MARCHF7: variants seen among roughly 807,000 people sequenced by gnomAD.
MARCHF7 encodes membrane associated ring-CH-type finger 7, also known as E3 ubiquitin-protein ligase MARCHF7.
A neutral mutation model predicts 76.5 loss-of-function variants in MARCHF7; 20 were observed. The ratio of observed to expected loss-of-function variants is 0.26; its 90% CI spans 0.18 to 0.38. The LOEUF is 0.38. MARCHF7 is among the 10% of genes least tolerant of loss of function. The pLI is 1.00. For synonymous variants in MARCHF7, 295 were observed against 293.0 expected (o/e 1.01, Z -0.07); for missense variants, 797 against 812.9 (o/e 0.98, Z 0.24).
intron 1 of MARCHF7, among the ~76,000 whole-genome samples, chr2:159,713,356 CACTTAAT>C (rs1438247907): frequency 5.9e-5 from 9 of 152,274 alleles, no homozygotes; most frequent in African/African-American, 2.2e-4. Flanking sequence ...CAAAATGCTG[CACTTAAT>C]ACTTTTTCTC....
chr2:159,762,764 A>G (rs1707267084), intron 9 of MARCHF7, 116 bp from the exon 10 acceptor site: 1 of 453,406 alleles, frequency 2.2e-6, no homozygotes, highest in East Asian at 3.4e-5. Flanking sequence ...CTTATTAGGA[A>G]CTGGATATGA....
intron 4 of MARCHF7, among the ~76,000 whole-genome samples, chr2:159,729,500 G>A (rs1474247094): frequency 6.6e-6 from 1 of 151,752 alleles, no homozygotes; most frequent in Non-Finnish European, 1.5e-5. Flanking sequence ...ACGAAACCCC[G>A]TCTCGACTAA....
At chr2:159,758,205 A>C (rs140740711) in intron 8 of MARCHF7, among the ~76,000 whole-genome samples, 3 of 152,354 alleles carry the variant, frequency 2.0e-5, no homozygotes, top group African/African-American at 7.2e-5. Flanking sequence ...AAACAAAGGA[A>C]AAGGCAGAAA....
intron 4 of MARCHF7, chr2:159,734,012 T>C: frequency 7.4e-7 from 1 of 1,349,282 alleles, no homozygotes; most frequent in Non-Finnish European, 9.7e-7. Context: ...TTACTTCTGC[T>C]ATCCCATCTT....
chr2:159,751,509 G>GA (rs1210503884), intron 7 of MARCHF7, among the ~76,000 whole-genome samples: 1 of 152,170 alleles, frequency 6.6e-6, no homozygotes, highest in Non-Finnish European at 1.5e-5. Flanking sequence ...GGTTATGTCT[G>GA]ATTAACCCAG....
intron 4 of MARCHF7, among the ~76,000 whole-genome samples, chr2:159,741,275 G>A (rs967980878): frequency 2.6e-5 from 4 of 152,106 alleles, no homozygotes; most frequent in African/African-American, 4.8e-5. Flanking sequence ...AGACTGAGGT[G>A]GGAGGATCAA....
intron 3 of MARCHF7, among the ~76,000 whole-genome samples, chr2:159,726,974 A>G (rs183680956): frequency 1.6e-4 from 25 of 152,348 alleles, no homozygotes; most frequent in Admixed American, 3.9e-4. Flanking sequence ...AGGTTATACT[A>G]TATAATCCAG....
intron 4 of MARCHF7, among the ~76,000 whole-genome samples, chr2:159,741,717 G>T (rs1275664766): frequency 1.3e-5 from 2 of 152,096 alleles, no homozygotes; most frequent in East Asian, 1.9e-4. Flanking sequence ...ACACTTAAAA[G>T]AATTTGGTTT....
chr2:159,730,955 T>A (rs1702717131), intron 4 of MARCHF7, among the ~76,000 whole-genome samples: 1 of 152,152 alleles, frequency 6.6e-6, no homozygotes, highest in Non-Finnish European at 1.5e-5. Flanking sequence ...AGTGGTGCAA[T>A]CACGGCTCAC....
intron 7 of MARCHF7, among the ~76,000 whole-genome samples, chr2:159,750,341 ATG>A (rs1705478499): frequency 6.6e-6 from 1 of 152,196 alleles, no homozygotes; most frequent in Non-Finnish European, 1.5e-5. Context: ...CCTGGCTAAC[ATG>A]CTGAAACCCT....
At chr2:159,766,459 G>A (rs1172394598) in intron 11 of MARCHF7, among the ~76,000 whole-genome samples, 1 of 152,100 alleles carries the variant, frequency 6.6e-6, no homozygotes, top group African/African-American at 2.4e-5. Context: ...GCATTAAACC[G>A]TTTTGCCCTA....
intron 7 of MARCHF7, among the ~76,000 whole-genome samples, chr2:159,752,126 A>C (rs1705726211): frequency 6.6e-6 from 1 of 152,224 alleles, no homozygotes. Context: ...AAAATTACTT[A>C]AATCATTTGA....
At chr2:159,753,798 G>A (rs1430422912) in intron 8 of MARCHF7, among the ~76,000 whole-genome samples, 1 of 152,164 alleles carries the variant, frequency 6.6e-6, no homozygotes, top group Non-Finnish European at 1.5e-5. Flanking sequence ...ACATGTAGCA[G>A]TGTGATCGTG....
intron 5 of MARCHF7, 98 bp downstream of exon 5, chr2:159,743,351 G>T: frequency 9.0e-7 from 1 of 1,106,526 alleles, no homozygotes; most frequent in East Asian, 2.5e-5. Flanking sequence ...TTTATATGAA[G>T]ACAGTGGGTC....
At chr2:159,716,638 G>A (rs1232461300) in intron 3 of MARCHF7, among the ~76,000 whole-genome samples, 1 of 130,930 alleles carries the variant, frequency 7.6e-6, no homozygotes, top group Non-Finnish European at 1.7e-5. Context: ...GTGAGACCCT[G>A]TCTCCAAAAA....
intron 3 of MARCHF7, among the ~76,000 whole-genome samples, chr2:159,720,067 C>G (rs1005382546): frequency 6.6e-6 from 1 of 152,148 alleles, no homozygotes; most frequent in Admixed American, 6.5e-5. Context: ...GCTCTGTTGC[C>G]CAGGCTGGGG....
At position 159,717,915 on chromosome 2, in the gene MARCHF7, G is replaced by C. The variant is rs192085793; in HGVS notation, c.-15+2149G>C. Among the ~76,000 whole-genome samples the C allele has an allele frequency of 3.3e-5, 5 of 152,246 alleles. No individual in the cohort carries two copies. In the East Asian group the frequency reaches 7.7e-4, roughly 23 times the overall value. On this transcript the variant is annotated intron_variant, in intron 3 of 11. Transcript: ENST00000409175. ...TTCTTTACCCTGAAGTGAATATCCT[G>C]TATGTAAATCTGAATGACTTTGAAA... is the stretch of plus-strand genomic sequence containing the variant.
At chr2:159,745,962 A>AATGTAATTAT in intron 6 of MARCHF7, 25 bp downstream of exon 6, 1 of 1,580,528 alleles carries the variant, frequency 6.3e-7, no homozygotes, top group Non-Finnish European at 8.6e-7. Flanking sequence ...CATCAAGTAT[A>AATGTAATTAT]ACTTCTCATA....
In MARCHF7 at chr2:159,728,906, TTGTA is replaced by T. The variant is rs3832162; in HGVS notation, c.-14-100_-14-97del. Reference sequence around the variant, plus strand: ...ATTTACGTTGTCAGATATGGTTAATTTGTATGGTTAATTTTTTATTTGAGCTGAT... The same window carrying T: ...ATTTACGTTGTCAGATATGGTTAATTTGGTTAATTTTTTATTTGAGCTGAT... On this transcript the variant is annotated intron_variant, in intron 3 of 11. Transcript: ENST00000409175. 194 of 626,224 alleles carry T rather than the reference TTGTA, an allele frequency of 3.1e-4. 2 individuals are homozygous for T. The East Asian group carries it at 5.5e-3, about 18-fold the overall frequency. 38.8% of individuals were successfully genotyped at this position (626,224 alleles called of 1,614,324 possible). A position where few individuals can be genotyped will look rare whatever the true frequency, so the allele number is the denominator to read the frequency against.
Sources: gnomAD v4.1 joint callset for allele counts (sites outside exome capture counted in the v4.1 genomes callset) on GRCh38, gnomAD v4.1.1 for gene constraint, MANE v1.5 for transcripts, NCBI Gene and HGNC (gene_info 2026-07-23, HGNC 2026-07-21) for gene names.